SNTG1: variants seen among roughly 807,000 people sequenced by gnomAD.
The protein encoded by SNTG1 is syntrophin gamma 1.
In SNTG1, 39 loss-of-function variants were observed where a neutral mutation model predicts 74.7. The ratio of observed to expected loss-of-function variants is 0.52; its 90% CI spans 0.40 to 0.68. The LOEUF is 0.68. SNTG1 is among the 30% of genes least tolerant of loss of function. The probability of loss-of-function intolerance (pLI) is 0.00; values close to 1 mark genes in which losing one functional copy is unlikely to be tolerated. For synonymous variants in SNTG1, 254 were observed against 217.1 expected (o/e 1.17, Z -1.49); for missense variants, 685 against 609.5 (o/e 1.12, Z -1.30).
chr8:50,795,419 T>C lies in SNTG1; in HGVS notation c.*2590T>C, dbSNP rs1277855758. ...GAAATGAACAAAAACACTTAAAAAT[T>C]TCTATCTCTCATATAATTTAGGTTT... On this transcript the variant is annotated 3_prime_UTR_variant, in exon 19 of 19. Transcript: ENST00000642720. 1 of 152,094 alleles carries C rather than the reference T, an allele frequency of 6.6e-6. No individual in the cohort carries two copies. Among genetic ancestry groups the C allele is most frequent in the Non-Finnish European group, 1.5e-5 (1 of 67,980 alleles). 9.4% of individuals were successfully genotyped at this position (152,094 alleles called of 1,614,324 possible). A position where few individuals can be genotyped will look rare whatever the true frequency, so the allele number is the denominator to read the frequency against.
chr8:50,734,267 C>T (rs955572413), intron 17 of SNTG1, among the ~76,000 whole-genome samples: 19 of 151,638 alleles, frequency 1.3e-4, no homozygotes, highest in Non-Finnish European at 2.1e-4. Flanking sequence ...TATTGCTTCT[C>T]GGCCTTTTGG....
At chr8:50,694,878 C>T (rs779411865) in intron 15 of SNTG1, among the ~76,000 whole-genome samples, 29 of 146,610 alleles carry the variant, frequency 2.0e-4, no homozygotes, top group Non-Finnish European at 3.3e-4. Context: ...ATTCAACATT[C>T]TTTTATAATT....
At chr8:50,761,748 C>A (rs2095599617) in intron 18 of SNTG1, among the ~76,000 whole-genome samples, 1 of 151,874 alleles carries the variant, frequency 6.6e-6, no homozygotes, top group Non-Finnish European at 1.5e-5. Flanking sequence ...CACAGCAGTT[C>A]TACAGTTTTA....
chr8:50,601,230 T>G (rs1563632946), intron 13 of SNTG1, among the ~76,000 whole-genome samples: 1 of 150,070 alleles, frequency 6.7e-6, no homozygotes, highest in African/African-American at 2.5e-5. Context: ...TTTTTGTTTG[T>G]TTGGCTTTGT....
intron 2 of SNTG1, among the ~76,000 whole-genome samples, chr8:50,178,876 G>A (rs916075277): frequency 6.6e-6 from 1 of 152,070 alleles, no homozygotes; most frequent in Non-Finnish European, 1.5e-5. Context: ...TACTTTTGCT[G>A]CCTGAGCTTT....
At chr8:50,446,660 G>C (rs181920821) in intron 5 of SNTG1, among the ~76,000 whole-genome samples, 1 of 152,040 alleles carries the variant, frequency 6.6e-6, no homozygotes, top group Non-Finnish European at 1.5e-5. Flanking sequence ...CCTGTGAACA[G>C]AGCGAGACTC....
chr8:50,773,095 G>A (rs1367335323), intron 18 of SNTG1, among the ~76,000 whole-genome samples: 2 of 151,992 alleles, frequency 1.3e-5, no homozygotes, highest in Admixed American at 6.6e-5. Context: ...CAACACAAAC[G>A]GACTAAGACA....
intron 9 of SNTG1, among the ~76,000 whole-genome samples, chr8:50,515,175 T>G (rs2094120506): frequency 6.6e-6 from 1 of 151,982 alleles, no homozygotes; most frequent in African/African-American, 2.4e-5. Flanking sequence ...CCGGTTTAGA[T>G]CCAGATCAGC....
chr8:50,051,558 A>T (rs914187393), intron 1 of SNTG1, among the ~76,000 whole-genome samples: 1 of 152,112 alleles, frequency 6.6e-6, no homozygotes, highest in Non-Finnish European at 1.5e-5. Context: ...GTAAGTTTGA[A>T]GTCTGAAATG....
Position 50,312,529 on chromosome 8 carries a change from C to T in SNTG1, c.-27-81683C>T, listed in dbSNP as rs547967116. On this transcript the variant is annotated intron_variant, in intron 2 of 18. Transcript: ENST00000642720. ...CAGTAGCTGTAAGCTGGCACTTCAG[C>T]TGCCTCAAGGAGGAAAGAGATTGTG... Among the ~76,000 whole-genome samples the T allele has an allele frequency of 1.7e-4, 25 of 145,676 alleles. 3 individuals are homozygous for T. Among genetic ancestry groups the T allele is most frequent in the African/African-American group, 5.7e-4 (21 of 36,888 alleles).
intron 1 of SNTG1, among the ~76,000 whole-genome samples, chr8:50,040,081 A>T (rs1288707719): frequency 6.6e-6 from 1 of 152,128 alleles, no homozygotes; most frequent in African/African-American, 2.4e-5. Context: ...TGCAATTTAT[A>T]AAACAGAGAA....
intron 17 of SNTG1, among the ~76,000 whole-genome samples, chr8:50,724,561 A>G (rs934307268): frequency 1.3e-5 from 2 of 152,160 alleles, no homozygotes; most frequent in African/African-American, 4.8e-5. Context: ...CACTAAAGAG[A>G]AACTGAGAGA....
At chr8:50,443,859 C>A (rs2131592811) in intron 5 of SNTG1, among the ~76,000 whole-genome samples, 1 of 152,270 alleles carries the variant, frequency 6.6e-6, no homozygotes, top group Non-Finnish European at 1.5e-5. Context: ...TAAGACCAGG[C>A]ACGGTGGCTC....
chr8:50,492,667 C>G (rs991969414), intron 8 of SNTG1, among the ~76,000 whole-genome samples: 1 of 152,096 alleles, frequency 6.6e-6, no homozygotes, highest in Non-Finnish European at 1.5e-5. Context: ...CAAAAATTTT[C>G]TCCCATTCTG....
intron 1 of SNTG1, among the ~76,000 whole-genome samples, chr8:49,948,168 C>A (rs1026363392): frequency 2.6e-5 from 4 of 151,954 alleles, no homozygotes; most frequent in African/African-American, 7.2e-5. Context: ...AAACACAGAA[C>A]CTCTTAATTA....
intron 1 of SNTG1, among the ~76,000 whole-genome samples, chr8:49,937,021 C>T (rs905250210): frequency 6.6e-6 from 1 of 152,156 alleles, no homozygotes; most frequent in South Asian, 2.1e-4. Context: ...TGGTGGCACT[C>T]GCCTGTAATT....
At chr8:50,197,785 A>C (rs1431127907) in intron 2 of SNTG1, among the ~76,000 whole-genome samples, 3 of 151,936 alleles carry the variant, frequency 2.0e-5, no homozygotes, top group Non-Finnish European at 4.4e-5. Flanking sequence ...CAGTTTTATC[A>C]TTTTTCCCTA....
intron 13 of SNTG1, among the ~76,000 whole-genome samples, chr8:50,609,244 A>G (rs1370586736): frequency 3.3e-5 from 5 of 151,818 alleles, no homozygotes; most frequent in African/African-American, 1.2e-4. Context: ...GTAGCTGTGA[A>G]TTCTCTCACT....
At chr8:50,179,189 A>T (rs572877127) in intron 2 of SNTG1, among the ~76,000 whole-genome samples, 4 of 152,204 alleles carry the variant, frequency 2.6e-5, no homozygotes, top group South Asian at 2.1e-4. Flanking sequence ...TGCCAGTACC[A>T]TATTGTTCTT....
Sources: gnomAD v4.1 joint callset for allele counts (sites outside exome capture counted in the v4.1 genomes callset) on GRCh38, gnomAD v4.1.1 for gene constraint, MANE v1.5 for transcripts, NCBI Gene and HGNC (gene_info 2026-07-23, HGNC 2026-07-21) for gene names.